Variants in SHC4 observed in about 807,000 individuals in gnomAD.
SHC4 encodes the protein SHC-transforming protein 4.
SHC4 carries 41 observed loss-of-function variants against 69.4 expected under a neutral mutation model. The observed-to-expected ratio is 0.59, with a 90% CI of 0.46 to 0.77. The LOEUF (loss-of-function observed/expected upper bound fraction) is 0.77. SHC4 is among the 30% of genes least tolerant of loss of function. The probability of loss-of-function intolerance (pLI) is 0.00; values close to 1 mark genes in which losing one functional copy is unlikely to be tolerated. For synonymous variants in SHC4, 318 were observed against 299.3 expected (o/e 1.06, Z -0.64); for missense variants, 777 against 783.8 (o/e 0.99, Z 0.10).
In SHC4 at chr15:48,857,815, G is replaced by C. The variant is rs751794591; in HGVS notation, c.947C>G (p.Ala316Gly). ...YVAKDPVNQR[A>G]CHILECHNGM... Reference sequence around the variant, plus strand: ...ATTGTGGCATTCCAATATGTGACAGGCTGCAAGAGGACATACAAAAAATAA... The same window carrying C: ...ATTGTGGCATTCCAATATGTGACAGCCTGCAAGAGGACATACAAAAAATAA... Residue 316 changes from alanine (A) to glycine (G), a missense_variant and splice_region_variant, in exon 7 of 12, where the codon GCC (alanine) becomes GGC (glycine). Physicochemically the swap from Ala to Gly is moderately conservative, Grantham distance 60. Coordinates refer to ENST00000332408, the MANE Select transcript of SHC4 (RefSeq NM_203349.4). The C allele has an allele frequency of 1.3e-6, 2 of 1,515,040 alleles. No individual in the cohort carries two copies. The highest frequency in any genetic ancestry group is 1.8e-6 in the Non-Finnish European group (2 of 1,132,918). 93.8% of individuals were successfully genotyped at this position (1,515,040 alleles called of 1,614,324 possible).
At chr15:48,882,671 T>G (rs1294087893) in intron 4 of SHC4, among the ~76,000 whole-genome samples, 1 of 152,208 alleles carries the variant, frequency 6.6e-6, no homozygotes, top group Non-Finnish European at 1.5e-5. Flanking sequence ...AAGGCTGTCA[T>G]TATGATGGCT....
At chr15:48,897,461 T>A (rs1214397194) in intron 2 of SHC4, among the ~76,000 whole-genome samples, 1 of 152,012 alleles carries the variant, frequency 6.6e-6, no homozygotes, top group African/African-American at 2.4e-5. Flanking sequence ...ATAATTCTTC[T>A]GTGTTTTTAA....
intron 2 of SHC4, among the ~76,000 whole-genome samples, chr15:48,911,352 A>G (rs1161265877): frequency 6.6e-6 from 1 of 152,030 alleles, no homozygotes; most frequent in Non-Finnish European, 1.5e-5. Context: ...TGTTGCTTTA[A>G]GGTTTATTTT....
At chr15:48,879,357 C>T (rs1899894494) in intron 4 of SHC4, 1 of 167,106 alleles carries the variant, frequency 6.0e-6, no homozygotes, top group Non-Finnish European at 1.5e-5. Context: ...TTTGTTTGTA[C>T]ATGTATCTTG....
Position 48,863,602 on chromosome 15 carries a change from T to C in SHC4, c.946+4216A>G, listed in dbSNP as rs79578741. Among the ~76,000 whole-genome samples the C allele has an allele frequency of 7.2e-5, 11 of 152,364 alleles. No homozygotes were observed. In the East Asian group the frequency reaches 1.7e-3, roughly 24 times the overall value. ...TTCAAAGGCATTTACATTTTTAAGA[T>C]GTTTGATGCAAATGATCAAATTGCT... On this transcript the variant is annotated intron_variant, in intron 6 of 11. Coordinates refer to ENST00000332408, the MANE Select transcript of SHC4 (RefSeq NM_203349.4).
At chr15:48,904,241 TAC>T (rs1306479009) in intron 2 of SHC4, among the ~76,000 whole-genome samples, 1 of 152,230 alleles carries the variant, frequency 6.6e-6, no homozygotes, top group African/African-American at 2.4e-5. Flanking sequence ...TTTCCAGTTC[TAC>T]CACCTATTGA....
At chr15:48,897,762 C>CACACACACACACACAA (rs1900249771) in intron 2 of SHC4, among the ~76,000 whole-genome samples, 2 of 150,994 alleles carry the variant, frequency 1.3e-5, no homozygotes, top group Non-Finnish European at 1.5e-5. Context: ...TTCTGACACA[C>CACACACACACACACAA]ACACACACAC....
chr15:48,830,202 CT>C (rs1278658521), intron 11 of SHC4, among the ~76,000 whole-genome samples: 1 of 151,802 alleles, frequency 6.6e-6, no homozygotes, highest in Admixed American at 6.6e-5. Context: ...TTTTGTGTAT[CT>C]TCTAGAAGTA....
intron 2 of SHC4, among the ~76,000 whole-genome samples, chr15:48,915,189 T>C (rs1900595689): frequency 6.6e-6 from 1 of 152,250 alleles, no homozygotes; most frequent in Non-Finnish European, 1.5e-5. Context: ...TTCTTGACTT[T>C]ACACCTGTTT....
chr15:48,879,168 A>G (rs1899891017), intron 4 of SHC4: 1 of 172,124 alleles, frequency 5.8e-6, no homozygotes, highest in Non-Finnish European at 1.4e-5. Flanking sequence ...TAGGACACAT[A>G]TCTTTTGAGT....
intron 4 of SHC4, chr15:48,879,503 AAAC>A (rs1425674142): frequency 6.6e-5 from 11 of 167,242 alleles, no homozygotes; most frequent in Non-Finnish European, 1.2e-4. Flanking sequence ...TGTACAAAGA[AAAC>A]AAACCATTGC....
At position 48,857,700 on chromosome 15, in the gene SHC4, A is replaced by G; in HGVS notation, c.1062T>C (p.Ser354=). ...TAAAACTCTTGGCTGACCTTTCACAAGAAGTATTCAAAGAAGGATTTTTCA... is the reference window on the plus strand; with the variant it reads ...TAAAACTCTTGGCTGACCTTTCACAGGAAGTATTCAAAGAAGGATTTTTCA... ...QYLKNPSLNT[S]CESEEVHIDS... is the part of the protein sequence containing the mutation. Residue 354 remains serine (S), a synonymous_variant, in exon 7 of 12, where the codon TCT becomes TCC. Coordinates refer to ENST00000332408, the MANE Select transcript of SHC4 (RefSeq NM_203349.4). The G allele has an allele frequency of 1.9e-6, 3 of 1,597,704 alleles. No individual in the cohort carries two copies. The highest frequency in any genetic ancestry group is 2.6e-6 in the Non-Finnish European group (3 of 1,171,834).
intron 10 of SHC4, among the ~76,000 whole-genome samples, chr15:48,836,459 T>C (rs1017269527): frequency 6.6e-6 from 1 of 152,166 alleles, no homozygotes; most frequent in Non-Finnish European, 1.5e-5. Flanking sequence ...AAAATTCTTA[T>C]GTCTGAAACC....
At chr15:48,910,392 G>C (rs1451754482) in intron 2 of SHC4, among the ~76,000 whole-genome samples, 2 of 152,050 alleles carry the variant, frequency 1.3e-5, no homozygotes, top group Non-Finnish European at 2.9e-5. Flanking sequence ...TATTTCAGTG[G>C]TGTCAGCTGT....
intron 1 of SHC4, among the ~76,000 whole-genome samples, chr15:48,926,318 G>A (rs917333993): frequency 2.0e-5 from 3 of 152,148 alleles, no homozygotes; most frequent in African/African-American, 4.8e-5. Context: ...TTGTCTCCTC[G>A]GAAATGATAT....
At chr15:48,869,262 C>T (rs943885304) in intron 5 of SHC4, among the ~76,000 whole-genome samples, 4 of 152,058 alleles carry the variant, frequency 2.6e-5, no homozygotes, top group Non-Finnish European at 2.9e-5. Flanking sequence ...TCAGGGCTGA[C>T]GGATGGAAAA....
intron 4 of SHC4, among the ~76,000 whole-genome samples, chr15:48,883,218 G>A (rs1363552390): frequency 6.6e-6 from 1 of 152,036 alleles, no homozygotes; most frequent in Non-Finnish European, 1.5e-5. Context: ...ACTGGCACAT[G>A]CTATATAATT....
At chr15:48,932,592 C>T (rs559374206) in intron 1 of SHC4, among the ~76,000 whole-genome samples, 3 of 152,276 alleles carry the variant, frequency 2.0e-5, no homozygotes, top group Middle Eastern at 3.4e-3. Context: ...TTGCTCCTCC[C>T]TCTTGAAATG....
At chr15:48,837,499 T>C (rs1027505983) in intron 10 of SHC4, among the ~76,000 whole-genome samples, 1 of 152,208 alleles carries the variant, frequency 6.6e-6, no homozygotes, top group Non-Finnish European at 1.5e-5. Context: ...TCTTGCTCCT[T>C]TTCTAATGCA....
Sources: allele counts gnomAD v4.1 joint callset (sites outside exome capture counted in the v4.1 genomes callset), GRCh38; gene constraint gnomAD v4.1.1; transcripts MANE v1.5; gene names NCBI Gene and HGNC (gene_info 2026-07-23, HGNC 2026-07-21).